Variants in RALYL observed in about 807,000 individuals in gnomAD.
RALYL encodes the protein RNA-binding Raly-like protein.
In RALYL, 29 loss-of-function variants were observed where a neutral mutation model predicts 35.1. The observed-to-expected ratio is 0.83, with a 90% CI of 0.61 to 1.13. The LOEUF (loss-of-function observed/expected upper bound fraction) is 1.13. Ranked by LOEUF, RALYL falls within the 50% of genes most tolerant of loss-of-function variation. The pLI is 0.00. For synonymous variants in RALYL, 120 were observed against 127.6 expected, an observed-to-expected ratio of 0.94 and a Z score of 0.40; for missense variants, 359 against 360.4, an observed-to-expected ratio of 1.00 and a Z score of 0.03.
At chr8:84,693,535 T>C in intron 2 of RALYL, among the ~76,000 whole-genome samples, 1 of 152,010 alleles carries the variant, frequency 6.6e-6, no homozygotes, top group Non-Finnish European at 1.5e-5. Flanking sequence ...GATGAGATTT[T>C]GGTGGGGACA....
chr8:84,298,017 C>T (rs1840089277), intron 1 of RALYL, among the ~76,000 whole-genome samples: 2 of 152,048 alleles, frequency 1.3e-5, no homozygotes, highest in Admixed American at 6.6e-5. Context: ...TTCTTATGCT[C>T]TGCAGGTGCT....
intron 1 of RALYL, among the ~76,000 whole-genome samples, chr8:84,421,016 A>C (rs1169791561): frequency 8.4e-6 from 1 of 118,712 alleles, no homozygotes; most frequent in African/African-American, 3.6e-5. Context: ...CTTAGGATTG[A>C]CTTGGCAATG....
chr8:84,832,385 G>A (rs538377566), intron 4 of RALYL, among the ~76,000 whole-genome samples: 19 of 152,120 alleles, frequency 1.2e-4, no homozygotes, highest in Admixed American at 1.0e-3. Flanking sequence ...AATGAGATTA[G>A]GTCTGAGTTC....
At chr8:84,424,441 A>T (rs531512941) in intron 1 of RALYL, among the ~76,000 whole-genome samples, 4,969 of 134,564 alleles carry the variant, frequency 0.037, 146 homozygotes, top group Middle Eastern at 0.047. Context: ...TATTCTAGTT[A>T]TACATTCTTC....
rs1183411570 is a variant in RALYL at position 84,921,488 on chromosome 8, T to C, written c.*577T>C. 2.0e-5 allele frequency: 3 copies of C among 152,166 alleles called. No individual in the cohort carries two copies. The highest frequency in any genetic ancestry group is 4.4e-5 in the Non-Finnish European group (3 of 68,006). 9.4% of individuals were successfully genotyped at this position (152,166 alleles called of 1,614,324 possible). A position where few individuals can be genotyped will look rare whatever the true frequency, so the allele number is the denominator to read the frequency against. On this transcript the variant is annotated 3_prime_UTR_variant, in exon 9 of 9. Transcript: ENST00000521268. Reference sequence around the variant, plus strand: ...AAGAATGCAGATATTTCAGATGTGATATAATAGTTAAAGAACTGTTGGTTT... The same window carrying C: ...AAGAATGCAGATATTTCAGATGTGACATAATAGTTAAAGAACTGTTGGTTT...
intron 5 of RALYL, among the ~76,000 whole-genome samples, chr8:84,855,939 T>C (rs982664643): frequency 1.3e-5 from 2 of 152,196 alleles, no homozygotes; most frequent in African/African-American, 2.4e-5. Flanking sequence ...TGTTAATTGA[T>C]CCAAGAAACT....
At chr8:84,796,471 G>A (rs184437337) in intron 3 of RALYL, among the ~76,000 whole-genome samples, 2 of 152,112 alleles carry the variant, frequency 1.3e-5, no homozygotes, top group East Asian at 3.9e-4. Context: ...AAATCTTTAG[G>A]CAATAAATGA....
rs145355982 is a variant in RALYL at position 84,678,984 on chromosome 8, A to T, written c.257-95595A>T. The T allele has an allele frequency of 2.4e-3, 660 of 276,938 alleles. 6 individuals are homozygous for T. The highest frequency in any genetic ancestry group is 0.013 in the African/African-American group (603 of 45,130). 17.2% of individuals were successfully genotyped at this position (276,938 alleles called of 1,614,324 possible). On this transcript the variant is annotated intron_variant, in intron 2 of 8. Coordinates refer to ENST00000521268, the MANE Select transcript of RALYL (RefSeq NM_173848.7). ...ACTTCTTAAGAAAATTAATTATCTC[A>T]GTAGTGTTAAAGAGTCTGACACTAG...
At chr8:84,254,577 A>G (rs1275318006) in intron 1 of RALYL, among the ~76,000 whole-genome samples, 1 of 151,878 alleles carries the variant, frequency 6.6e-6, no homozygotes, top group Non-Finnish European at 1.5e-5. Flanking sequence ...GAGGGCTCCA[A>G]TTGCCTTTGG....
chr8:84,398,198 G>A (rs2131910004), intron 1 of RALYL, among the ~76,000 whole-genome samples: 1 of 152,204 alleles, frequency 6.6e-6, no homozygotes, highest in Non-Finnish European at 1.5e-5. Flanking sequence ...GCATTATGAT[G>A]CCTGCAGTAT....
chr8:84,386,199 G>A (rs1254014148), intron 1 of RALYL, among the ~76,000 whole-genome samples: 1 of 151,736 alleles, frequency 6.6e-6, no homozygotes, highest in Non-Finnish European at 1.5e-5. Context: ...GCCACTCTGG[G>A]AGCTTCAAGT....
At chr8:84,372,059 T>C (rs1349566885) in intron 1 of RALYL, among the ~76,000 whole-genome samples, 1 of 151,958 alleles carries the variant, frequency 6.6e-6, no homozygotes, top group African/African-American at 2.4e-5. Flanking sequence ...TGCTTTAGAG[T>C]GCTTGGCAAC....
At chr8:84,233,813 A>G (rs1052825294) in intron 1 of RALYL, among the ~76,000 whole-genome samples, 26 of 151,944 alleles carry the variant, frequency 1.7e-4, no homozygotes, top group African/African-American at 6.3e-4. Flanking sequence ...TTTCCCTTTA[A>G]TTTATCCTAA....
intron 2 of RALYL, among the ~76,000 whole-genome samples, chr8:84,725,103 G>A (rs1305618159): frequency 6.6e-6 from 1 of 151,368 alleles, no homozygotes; most frequent in Non-Finnish European, 1.5e-5. Flanking sequence ...TTTTTCTACT[G>A]CCTAAGATCT....
chr8:84,497,441 C>T (rs974883968), intron 1 of RALYL, among the ~76,000 whole-genome samples: 2 of 152,048 alleles, frequency 1.3e-5, no homozygotes, highest in Admixed American at 1.3e-4. Flanking sequence ...TCACAATATA[C>T]ACGTGCTTGT....
intron 2 of RALYL, among the ~76,000 whole-genome samples, chr8:84,751,818 T>G (rs888159687): frequency 2.6e-5 from 4 of 152,050 alleles, no homozygotes; most frequent in African/African-American, 9.7e-5. Context: ...GTATCATGCT[T>G]CCTGTACAGC....
At chr8:84,789,161 C>T (rs1820229833) in intron 3 of RALYL, among the ~76,000 whole-genome samples, 1 of 152,176 alleles carries the variant, frequency 6.6e-6, no homozygotes, top group African/African-American at 2.4e-5. Context: ...AATCTATCAT[C>T]AATGCAGAGC....
At chr8:84,827,036 G>A (rs905677036) in intron 4 of RALYL, among the ~76,000 whole-genome samples, 19 of 151,838 alleles carry the variant, frequency 1.3e-4, no homozygotes, top group African/African-American at 4.4e-4. Context: ...TTACTTAAAA[G>A]AATATATGAA....
intron 2 of RALYL, among the ~76,000 whole-genome samples, chr8:84,768,711 A>G (rs1814699857): frequency 6.6e-6 from 1 of 152,202 alleles, no homozygotes; most frequent in African/African-American, 2.4e-5. Context: ...TTAAAAACTC[A>G]AAAATCGTTA....
Sources: gnomAD v4.1 joint callset for allele counts (sites outside exome capture counted in the v4.1 genomes callset) on GRCh38, gnomAD v4.1.1 for gene constraint, MANE v1.5 for transcripts, NCBI Gene and HGNC (gene_info 2026-07-23, HGNC 2026-07-21) for gene names.